ANKRD36: variants seen among roughly 807,000 people sequenced by gnomAD.
ANKRD36 encodes the protein ankyrin repeat domain-containing protein 36A.
In ANKRD36, 179 loss-of-function variants were observed where a neutral mutation model predicts 278.1. The ratio of observed to expected loss-of-function variants is 0.64; its 90% CI spans 0.57 to 0.73. The LOEUF (loss-of-function observed/expected upper bound fraction) is 0.73. Among genes scored for constraint, ANKRD36 ranks in the 30% least tolerant of loss-of-function variants. ANKRD36 has a pLI of 0.00. For synonymous variants in ANKRD36, 320 were observed against 641.1 expected (o/e 0.50, Z 7.57); for missense variants, 1,159 against 1,956.7 (o/e 0.59, Z 7.69).
At chr2:97,188,825 T>G (rs1254538521) in intron 32 of ANKRD36, among the ~76,000 whole-genome samples, 7 of 94,566 alleles carry the variant, frequency 7.4e-5, no homozygotes, top group African/African-American at 1.8e-4. Flanking sequence ...TCCACATTGA[T>G]ATTGACACGG....
intron 6 of ANKRD36, among the ~76,000 whole-genome samples, chr2:97,134,934 G>T (rs1246326926): frequency 6.6e-6 from 1 of 152,036 alleles, no homozygotes; most frequent in Non-Finnish European, 1.5e-5. Flanking sequence ...AAAGAAAGCT[G>T]AATTTAAGGA....
rs1382440694 is a variant in ANKRD36, at chr2:97,217,472, T to C, written c.3775+100T>C. 3 of 1,513,354 alleles carry C rather than the reference T, an allele frequency of 2.0e-6. 1 individual carries two copies. The South Asian group carries it at 3.8e-5, about 19-fold the overall frequency. The allele number at this position is 1,513,354 out of a possible 1,614,324, so 93.7% of individuals were successfully genotyped here. A position where few individuals can be genotyped will look rare whatever the true frequency, so the allele number is the denominator to read the frequency against. On this transcript the variant is annotated intron_variant, in intron 64 of 75. Coordinates refer to ENST00000420699, the MANE Select transcript of ANKRD36 (RefSeq NM_001354587.1). ...CAGGGTGCTCATTGAAAATGCACTT[T>C]CTGATTCAGCAGGCCTGAGATTGTG...
At chr2:97,231,179 A>T (rs1320102897) in intron 67 of ANKRD36, among the ~76,000 whole-genome samples, 2 of 152,106 alleles carry the variant, frequency 1.3e-5, no homozygotes, top group Non-Finnish European at 2.9e-5. Context: ...AAGCTATCAT[A>T]CAGGGACATT....
chr2:97,194,211 A>T (rs1328474444), intron 38 of ANKRD36, among the ~76,000 whole-genome samples: 1 of 151,628 alleles, frequency 6.6e-6, no homozygotes, highest in Non-Finnish European at 1.5e-5. Flanking sequence ...TCAATTCAGG[A>T]CACTTCCACT....
At chr2:97,196,206 T>C (rs563221895) in intron 40 of ANKRD36, among the ~76,000 whole-genome samples, 2 of 152,110 alleles carry the variant, frequency 1.3e-5, no homozygotes, top group East Asian at 3.9e-4. Context: ...TAAATCCTTT[T>C]GATTTGTTGC....
chr2:97,132,657 C>T (rs1559258517), intron 6 of ANKRD36, among the ~76,000 whole-genome samples: 2 of 152,122 alleles, frequency 1.3e-5, no homozygotes, highest in South Asian at 4.2e-4. Context: ...CCCAAGACCA[C>T]CTCTGTGTTT....
At chr2:97,144,612 T>C (rs770416171) in intron 9 of ANKRD36, 28 bp from the exon 10 acceptor site, 2 of 1,553,790 alleles carry the variant, frequency 1.3e-6, no homozygotes, top group Admixed American at 3.8e-5. Context: ...CTGTAGGTAT[T>C]GATTATTTTG....
At chr2:97,129,675 C>G (rs567202681) in intron 6 of ANKRD36, among the ~76,000 whole-genome samples, 1 of 152,060 alleles carries the variant, frequency 6.6e-6, no homozygotes, top group Non-Finnish European at 1.5e-5. Context: ...GATCCAGTTT[C>G]AGCTTTCTAC....
At position 97,211,801 on chromosome 2, in the gene ANKRD36, A is replaced by C. The variant is rs57165610; in HGVS notation, c.3469+60A>C. On this transcript the variant is annotated intron_variant, in intron 58 of 75. Transcript: ENST00000420699. ...TCAGGGTAGAAGAGAACTTCTCTTC[A>C]CCAAATAAAACAGCGGGGGGTTCGT... The C allele has an allele frequency of 1.8e-3, 2,634 of 1,492,164 alleles. 2 individuals are homozygous for C. In the African/African-American group the frequency reaches 0.031, roughly 17 times the overall value. The allele number at this position is 1,492,164 out of a possible 1,614,324, so 92.4% of individuals were successfully genotyped here.
intron 12 of ANKRD36, among the ~76,000 whole-genome samples, chr2:97,151,272 T>G (rs1227527326): frequency 6.6e-6 from 1 of 151,968 alleles, no homozygotes; most frequent in Non-Finnish European, 1.5e-5. Flanking sequence ...AGTAGCTATG[T>G]GTGGCCTTCA....
At chr2:97,202,090 G>A (rs1267540404) in intron 46 of ANKRD36, 112 bp from the exon 47 acceptor site, 7 of 1,565,536 alleles carry the variant, frequency 4.5e-6, no homozygotes, top group Non-Finnish European at 4.3e-6. Context: ...AGCCATGAAG[G>A]CCTATGCTAA....
intron 11 of ANKRD36, among the ~76,000 whole-genome samples, chr2:97,148,383 T>C (rs1050215974): frequency 6.6e-6 from 1 of 152,308 alleles, no homozygotes; most frequent in Admixed American, 6.5e-5. Flanking sequence ...AGGCTGAAGA[T>C]GTAGATTGGA....
At chr2:97,203,809 T>G (rs192204087) in intron 48 of ANKRD36, among the ~76,000 whole-genome samples, 9 of 151,916 alleles carry the variant, frequency 5.9e-5, no homozygotes, top group East Asian at 1.9e-4. Context: ...CACATTGATA[T>G]TGACACGGTT....
chr2:97,194,377 C>T (rs1380961574), intron 38 of ANKRD36, among the ~76,000 whole-genome samples: 1 of 151,732 alleles, frequency 6.6e-6, no homozygotes, highest in Middle Eastern at 3.4e-3. Context: ...CATGTAGCAC[C>T]TGTTTTGACA....
intron 17 of ANKRD36, among the ~76,000 whole-genome samples, chr2:97,160,000 G>A (rs2048466354): frequency 6.6e-6 from 1 of 152,268 alleles, no homozygotes. Context: ...AGCCAGGATG[G>A]TCTCGATCTC....
chr2:97,123,021 T>G (rs1394238842), intron 4 of ANKRD36, 28 bp downstream of exon 4: 22 of 1,489,566 alleles, frequency 1.5e-5, no homozygotes, highest in Non-Finnish European at 1.9e-5. Flanking sequence ...TATTGTGTCG[T>G]TTTTAAACCT....
At chr2:97,232,810 T>C (rs543414025) in intron 67 of ANKRD36, among the ~76,000 whole-genome samples, 76 of 151,896 alleles carry the variant, frequency 5.0e-4, no homozygotes, top group African/African-American at 1.8e-3. Flanking sequence ...TTTATAATGA[T>C]ACTGAAAGTA....
At chr2:97,256,423 C>G (rs1576663321) in intron 75 of ANKRD36, among the ~76,000 whole-genome samples, 1 of 150,954 alleles carries the variant, frequency 6.6e-6, no homozygotes, top group East Asian at 2.0e-4. Context: ...TCTGTTTCTT[C>G]TTGATTCAGT....
Position 97,200,940 on chromosome 2 carries a change from A to T in ANKRD36, c.2857+415A>T, listed in dbSNP as rs574515092. 9.2e-5 allele frequency among the ~76,000 whole-genome samples: 14 copies of T among 152,024 alleles called. No homozygotes were observed. In the South Asian group the frequency reaches 1.9e-3, roughly 20 times the overall value. The stretch of plus-strand genomic sequence containing the variant: ...CGTAGACACTGTAGAAGGAGAACTG[A>T]GAAGACCCCTGATGTAGCAATTATT... On this transcript the variant is annotated intron_variant, in intron 46 of 75. Coordinates refer to ENST00000420699, the MANE Select transcript of ANKRD36 (RefSeq NM_001354587.1).
Sources: gnomAD v4.1 joint callset for allele counts (sites outside exome capture counted in the v4.1 genomes callset) on GRCh38, gnomAD v4.1.1 for gene constraint, MANE v1.5 for transcripts, NCBI Gene and HGNC (gene_info 2026-07-23, HGNC 2026-07-21) for gene names.